NCEH1: variants seen among roughly 807,000 people sequenced by gnomAD.
NCEH1 encodes 2-acetyl MAGE hydrolase.
NCEH1 carries 9 observed loss-of-function variants against 25.4 expected under a neutral mutation model. The observed-to-expected ratio is 0.35, with a 90% CI of 0.21 to 0.62. The LOEUF (loss-of-function observed/expected upper bound fraction) is 0.62. NCEH1 is among the 20% of genes least tolerant of loss of function. The probability of loss-of-function intolerance (pLI) is 0.72; values close to 1 mark genes in which losing one functional copy is unlikely to be tolerated. For missense variants in NCEH1, 412 were observed against 501.1 expected, an observed-to-expected ratio of 0.82 and a Z score of 1.70; for synonymous variants, 200 against 199.8, an observed-to-expected ratio of 1.00 and a Z score of -0.01.
chr3:172,705,300 A>G (rs1287379682), intron 1 of NCEH1, among the ~76,000 whole-genome samples: 1 of 152,180 alleles, frequency 6.6e-6, no homozygotes, highest in African/African-American at 2.4e-5. Flanking sequence ...ACCTAAGCAC[A>G]TTCTGAGAAT....
intron 1 of NCEH1, among the ~76,000 whole-genome samples, chr3:172,703,396 C>T (rs940879203): frequency 3.3e-5 from 5 of 151,632 alleles, no homozygotes; most frequent in Admixed American, 1.3e-4. Context: ...GGCATCATGG[C>T]GGGGGCCTGT....
At chr3:172,709,328 T>C (rs747927964) in intron 1 of NCEH1, among the ~76,000 whole-genome samples, 3 of 152,252 alleles carry the variant, frequency 2.0e-5, no homozygotes, top group Non-Finnish European at 4.4e-5. Context: ...GTTATTGTAG[T>C]AGACCATTAA....
chr3:172,681,736 CA>C lies in NCEH1; in HGVS notation c.138+29110del, dbSNP rs768887847. Among the ~76,000 whole-genome samples, 690 of 103,876 alleles carry C rather than the reference CA, an allele frequency of 6.6e-3. 1 individual carries two copies. Among genetic ancestry groups the C allele is most frequent in the Middle Eastern group, 0.013 (2 of 158 alleles). The allele number at this position is 103,876 out of a possible 152,430, so 68.1% of individuals were successfully genotyped here. ...AAAACCCTGTCTCTAGTAAAAATAC[CA>C]AAAAAAAAAAAAAAAAAAAATTAGC... On this transcript the variant is annotated intron_variant, in intron 1 of 4. Transcript: ENST00000475381.
At chr3:172,662,022 G>C (rs887058738) in intron 1 of NCEH1, among the ~76,000 whole-genome samples, 2 of 116,896 alleles carry the variant, frequency 1.7e-5, no homozygotes, top group African/African-American at 1.0e-4. Context: ...GGAGTGGTGA[G>C]AGAGGGCATC....
chr3:172,707,525 C>T (rs551403699), intron 1 of NCEH1, among the ~76,000 whole-genome samples: 1 of 152,240 alleles, frequency 6.6e-6, no homozygotes, highest in South Asian at 2.1e-4. Flanking sequence ...TCTTATAGAG[C>T]AGTGGTTCTC....
chr3:172,694,398 G>T (rs59266890), intron 1 of NCEH1, among the ~76,000 whole-genome samples: 1 of 146,320 alleles, frequency 6.8e-6, no homozygotes, highest in Non-Finnish European at 1.5e-5. Context: ...GTGTGTCTGT[G>T]TGTGTGTGTG....
At chr3:172,705,897 C>T (rs1367026974) in intron 1 of NCEH1, among the ~76,000 whole-genome samples, 1 of 150,602 alleles carries the variant, frequency 6.6e-6, no homozygotes, top group Non-Finnish European at 1.5e-5. Context: ...ACTCAGGAGG[C>T]TGAGGCACGA....
rs940023114 is a variant in NCEH1, at chr3:172,633,422, A to G, written c.*53T>C. 1.2e-5 allele frequency: 19 copies of G among 1,541,706 alleles called. No individual in the cohort carries two copies. The Admixed American group carries it at 3.3e-4, about 27-fold the overall frequency. On this transcript the variant is annotated 3_prime_UTR_variant, in exon 5 of 5. Coordinates refer to ENST00000475381, the MANE Select transcript of NCEH1 (RefSeq NM_020792.6). ...CAACTAAAAAGTGCATGTCTTTCCA[A>G]AGCAGGTGTAGGAGGTCAAGAGGGG...
intron 1 of NCEH1, among the ~76,000 whole-genome samples, chr3:172,680,448 T>C (rs1712284734): frequency 6.6e-6 from 1 of 152,068 alleles, no homozygotes; most frequent in Admixed American, 6.5e-5. Context: ...ATGCTCTCCA[T>C]GTCAAGTGGA....
At chr3:172,676,869 T>C (rs1187852075) in intron 1 of NCEH1, among the ~76,000 whole-genome samples, 1 of 152,042 alleles carries the variant, frequency 6.6e-6, no homozygotes, top group Non-Finnish European at 1.5e-5. Flanking sequence ...AAATTAAGTT[T>C]ATACTCACAT....
At chr3:172,706,524 G>C (rs191730223) in intron 1 of NCEH1, among the ~76,000 whole-genome samples, 6 of 131,756 alleles carry the variant, frequency 4.6e-5, no homozygotes. Flanking sequence ...TTTTTGAGAC[G>C]AAGTCTCACT....
Position 172,634,075 on chromosome 3 carries a change from G to C in NCEH1, c.627C>G (p.Ser209Arg). 6.2e-7 allele frequency: 1 copy of C among 1,613,244 alleles called. No individual in the cohort carries two copies. The highest frequency in any genetic ancestry group is 8.5e-7 in the Non-Finnish European group (1 of 1,179,702). The change falls in exon 5 of 5, where the codon AGC becomes AGG. Residue 209 changes from serine (S) to arginine (R), a missense_variant. Physicochemically the swap from Ser to Arg is moderately radical, Grantham distance 110. Around this residue, in one of 3 missense-constraint regions of NCEH1, gnomAD observed 210 missense variants for 258.2 expected, o/e 0.81. Coordinates refer to ENST00000475381, the MANE Select transcript of NCEH1 (RefSeq NM_020792.6). ...ALGQQFTQDA[S>R]LKNKLKLQAL... ...CTTGTAGTTTGAGCTTATTTTTTAG[G>C]CTGGCATCTTGAGTAAACTAGAGAA...
rs377272852 is a variant in NCEH1, at chr3:172,710,918, G to C, written c.67C>G (p.Leu23Val). 3 of 1,614,122 alleles carry C rather than the reference G, an allele frequency of 1.9e-6. No individual in the cohort carries two copies. Among genetic ancestry groups the C allele is most frequent in the East Asian group, 4.5e-5 (2 of 44,892 alleles). ...ALAAYYVYIP[L>V]PGSVSDPWKL... ...CAGGGGTCGGACACGGAGCCAGGCAGCGGGATGTAGACGTAATAGGCGGCC... is the reference window on the plus strand; with the variant it reads ...CAGGGGTCGGACACGGAGCCAGGCACCGGGATGTAGACGTAATAGGCGGCC... The change falls in exon 1 of 5, where the codon CTG (leucine) becomes GTG (valine). Residue 23 changes from leucine (L) to valine (V), a missense_variant. Transcript: ENST00000475381.
At chr3:172,672,818 A>G (rs975621159) in intron 1 of NCEH1, among the ~76,000 whole-genome samples, 3 of 152,208 alleles carry the variant, frequency 2.0e-5, no homozygotes. Context: ...AGGCCAGGGT[A>G]TTTTAAAGAG....
intron 1 of NCEH1, among the ~76,000 whole-genome samples, chr3:172,669,276 G>A (rs1162921662): frequency 6.6e-6 from 1 of 152,116 alleles, no homozygotes; most frequent in East Asian, 1.9e-4. Context: ...AGGAAGCAGT[G>A]GAAAAAAATT....
chr3:172,683,830 T>A (rs1361892205), intron 1 of NCEH1, among the ~76,000 whole-genome samples: 1 of 152,250 alleles, frequency 6.6e-6, no homozygotes, highest in East Asian at 1.9e-4. Context: ...TTAGCTTCTT[T>A]GTAGGTTTTG....
At chr3:172,649,217 A>G (rs941892622) in intron 1 of NCEH1, among the ~76,000 whole-genome samples, 3 of 152,098 alleles carry the variant, frequency 2.0e-5, no homozygotes, top group African/African-American at 7.2e-5. Context: ...CTGTGTGTGT[A>G]TATTTTATAT....
intron 1 of NCEH1, among the ~76,000 whole-genome samples, chr3:172,669,539 C>T (rs1711509162): frequency 6.6e-6 from 1 of 152,058 alleles, no homozygotes; most frequent in Admixed American, 6.6e-5. Flanking sequence ...TGAATAATAG[C>T]CATTTTAGTG....
intron 3 of NCEH1, among the ~76,000 whole-genome samples, chr3:172,642,218 G>A (rs1271535238): frequency 6.6e-6 from 1 of 151,832 alleles, no homozygotes; most frequent in South Asian, 2.1e-4. Context: ...CTGTCACCCA[G>A]GCTGGAGTGC....
Sources: gnomAD v4.1 joint callset for allele counts (sites outside exome capture counted in the v4.1 genomes callset) on GRCh38, gnomAD v4.1.1 for gene constraint, gnomAD v4.1.1 regional missense constraint, MANE v1.5 for transcripts, NCBI Gene and HGNC (gene_info 2026-07-23, HGNC 2026-07-21) for gene names.